VWF: variants seen among roughly 807,000 people sequenced by gnomAD.
VWF encodes Factor VIII related antigen.
Under a neutral mutation model 308.6 loss-of-function variants are expected in VWF, and 176 were observed. The observed-to-expected ratio is 0.57, with a 90% CI of 0.50 to 0.65. VWF has a LOEUF of 0.65. Among genes scored for constraint, VWF ranks in the 30% least tolerant of loss-of-function variants. The pLI is 0.00. For missense variants in VWF, 3,146 were observed against 3,648.2 expected (o/e 0.86, Z 3.55); for synonymous variants, 1,385 against 1,443.4 (o/e 0.96, Z 0.92).
At position 5,994,017 on chromosome 12, in the gene VWF, GCAAA is replaced by G; in HGVS notation, c.6439_6442del (p.Phe2147LeufsTer29). On this transcript the variant is annotated frameshift_variant, in exon 37 of 52. Coordinates refer to ENST00000261405, the MANE Select transcript of VWF (RefSeq NM_000552.5). LOFTEE classifies it high-confidence loss of function. ...TGGAGCCAGGACCTTGTGGCATTCA[GCAAA>G]CAGTGGTAAGAGGAGGACCTGGCAG... 1 of 1,614,206 alleles carries G rather than the reference GCAAA, an allele frequency of 6.2e-7. No homozygotes were observed. Among genetic ancestry groups the G allele is most frequent in the Non-Finnish European group, 8.5e-7 (1 of 1,180,046 alleles).
chr12:5,951,472 A>G (rs2136338391), intron 50 of VWF, among the ~76,000 whole-genome samples: 1 of 152,346 alleles, frequency 6.6e-6, no homozygotes, highest in East Asian at 1.9e-4. Flanking sequence ...CCTGTCTTCA[A>G]GAAGCTTTGG....
chr12:6,095,761 C>T, intron 5 of VWF, 177 bp from the exon 6 acceptor site: 1 of 797,948 alleles, frequency 1.3e-6, no homozygotes, highest in Non-Finnish European at 2.0e-6. Context: ...AGTGCAATCC[C>T]ACTACTGAGC....
intron 38 of VWF, among the ~76,000 whole-genome samples, chr12:5,990,274 A>G (rs1943723441): frequency 6.6e-6 from 1 of 152,256 alleles, no homozygotes; most frequent in South Asian, 2.1e-4. Flanking sequence ...AGGACACTAT[A>G]GGATGACTGA....
chr12:6,123,044 C>A, intron 2 of VWF, 98 bp downstream of exon 2: 9 of 1,484,430 alleles, frequency 6.1e-6, no homozygotes, highest in Non-Finnish European at 8.5e-6. Context: ...GGGCTGGGCA[C>A]ACAGGTGAGC....
At chr12:5,966,276 T>TACAC (rs10657127) in intron 47 of VWF, among the ~76,000 whole-genome samples, 5,277 of 151,114 alleles carry the variant, frequency 0.035, 311 homozygotes, top group African/African-American at 0.12. Context: ...TGTTACACAA[T>TACAC]ACACACACAC....
rs1053492142 is a variant in VWF at position 6,019,140 on chromosome 12, G to T, written c.4278C>A (p.Arg1426=). 1 of 1,613,788 alleles carries T rather than the reference G, an allele frequency of 6.2e-7. No individual in the cohort carries two copies. Among genetic ancestry groups the T allele is most frequent in the African/African-American group, 1.3e-5 (1 of 74,888 alleles). The change falls in exon 28 of 52, where the codon CGC becomes CGA. Residue 1426 remains arginine (R), a synonymous_variant. Coordinates refer to ENST00000261405, the MANE Select transcript of VWF (RefSeq NM_000552.5). The surrounding 1 kb of genome is among the most constrained non-coding windows in gnomAD (Gnocchi z 5.8). ...IGPHANLKQI[R]LIEKQAPENK... ...TCTCAGGGGCCTGCTTCTCGATGAG[G>T]CGGATCTGCTTGAGGTTGGCATGGG...
At position 5,979,524 on chromosome 12, in the gene VWF, G is replaced by C. The variant is rs1943570290; in HGVS notation, c.7287+2262C>G. Among the ~76,000 whole-genome samples the C allele has an allele frequency of 3.3e-5, 5 of 152,140 alleles. No individual in the cohort carries two copies. In the South Asian group the frequency reaches 1.0e-3, roughly 31 times the overall value. ...CCCAGCACTTTGGGAGGTCGAGGCG[G>C]GTGGATCACAAGGTCAAGAGATTGA... On this transcript the variant is annotated intron_variant, in intron 42 of 51. Transcript: ENST00000261405.
Position 5,952,470 on chromosome 12 carries a change from T to C in VWF, c.8036A>G (p.Asn2679Ser), listed in dbSNP as rs151129435. 1.7e-4 allele frequency: 272 copies of C among 1,614,118 alleles called. 1 individual carries two copies. The African/African-American group carries it at 1.7e-3, about 10-fold the overall frequency. Residue 2679 changes from asparagine (N) to serine (S), a missense_variant, in exon 49 of 52, where the codon AAT (asparagine) becomes AGT (serine). Around this residue, in one of 3 missense-constraint regions of VWF, gnomAD observed 989 missense variants for 1,117.4 expected, o/e 0.89. Coordinates refer to ENST00000261405, the MANE Select transcript of VWF (RefSeq NM_000552.5). Reference sequence around the variant, plus strand: ...CTCCCAGAAGTACTCTCCTCTCTCATTGACCTTGCAGAAGTGAGTATCACA... The same window carrying C: ...CTCCCAGAAGTACTCTCCTCTCTCACTGACCTTGCAGAAGTGAGTATCACA... ...DGCDTHFCKV[N>S]ERGEYFWEKR...
In VWF at chr12:6,057,091, G is replaced by C; in HGVS notation, c.1730-19C>G. 2.0e-6 allele frequency: 3 copies of C among 1,527,748 alleles called. No homozygotes were observed. The highest frequency in any genetic ancestry group is 2.6e-6 in the Non-Finnish European group (3 of 1,142,522). 94.6% of individuals were successfully genotyped at this position (1,527,748 alleles called of 1,614,324 possible). A position where few individuals can be genotyped will look rare whatever the true frequency, so the allele number is the denominator to read the frequency against. On this transcript the variant is annotated intron_variant, in intron 14 of 51. Coordinates refer to ENST00000261405, the MANE Select transcript of VWF (RefSeq NM_000552.5). ...AACCTGGCTGTGGGGCGAGAGGAGCGAGCCTGGGATGTGGTGGGGAGGAGT... is the reference window on the plus strand; with the variant it reads ...AACCTGGCTGTGGGGCGAGAGGAGCCAGCCTGGGATGTGGTGGGGAGGAGT...
In VWF at chr12:6,075,340, G is replaced by A. The variant is rs375397606; in HGVS notation, c.869C>T (p.Ala290Val). 18 of 1,613,826 alleles carry A rather than the reference G, an allele frequency of 1.1e-5. No individual in the cohort carries two copies. The highest frequency in any genetic ancestry group is 1.1e-4 in the East Asian group (5 of 44,892). ...GGGGCAGGGGGCCGACTTACTGCAC[G>A]CGCTGTGGTCGGTCCAGCCGTACAG... ...MVLYGWTDHS[A>V]CSPVCPAGME... is the part of the protein sequence containing the mutation. Residue 290 changes from alanine to valine, a missense_variant, in exon 7 of 52, where the codon GCG becomes GTG. Physicochemically the swap from Ala to Val is moderately conservative, Grantham distance 64. This residue lies in a region of VWF where 1,304 missense variants were observed against 1,353.0 expected (regional missense o/e 0.96). Transcript: ENST00000261405. The surrounding 1 kb of genome is among the most constrained non-coding windows in gnomAD (Gnocchi z 4.7).
At position 6,123,124 on chromosome 12, in the gene VWF, A is replaced by G; in HGVS notation, c.55+18T>C. 2 of 1,614,102 alleles carry G rather than the reference A, an allele frequency of 1.2e-6. No homozygotes were observed. The highest frequency in any genetic ancestry group is 8.5e-7 in the Non-Finnish European group (1 of 1,180,002). On this transcript the variant is annotated intron_variant, in intron 2 of 51. Transcript: ENST00000261405. ...GCCCTGGGGCAGGAATGAGAAATGG[A>G]GGCCCTTTTGTACCTACCTGGCAAA...
At chr12:6,081,338 TG>T (rs201903095) in intron 6 of VWF, among the ~76,000 whole-genome samples, 220 of 148,748 alleles carry the variant, frequency 1.5e-3, no homozygotes, top group Non-Finnish European at 2.0e-3. Context: ...TGGTGTTTTT[TG>T]TTTTGTTTTG....
chr12:5,973,945 T>C (rs958821374), intron 43 of VWF, among the ~76,000 whole-genome samples: 2 of 152,084 alleles, frequency 1.3e-5, no homozygotes, highest in African/African-American at 2.4e-5. Context: ...GCTTAGAACA[T>C]TCCTGAGAAG....
At chr12:5,987,465 C>A (rs1372748652) in intron 38 of VWF, among the ~76,000 whole-genome samples, 5 of 152,236 alleles carry the variant, frequency 3.3e-5, no homozygotes, top group Non-Finnish European at 5.9e-5. Context: ...TGGCCCCAGA[C>A]ACCACAGGCC....
rs747649578 is a variant in VWF, at chr12:6,052,734, G to A, written c.1995C>T (p.Cys665=). 6.2e-7 allele frequency: 1 copy of A among 1,614,174 alleles called. No homozygotes were observed. Among genetic ancestry groups the A allele is most frequent in the East Asian group, 2.2e-5 (1 of 44,874 alleles). ...AAGAGAGAGAGCGGCAGGTCAGGTT[G>A]CAGGGGGTCCCGCACTGCAGGTACA... is the stretch of plus-strand genomic sequence containing the variant. ...GQVYLQCGTP[C]NLTCRSLSYP... Residue 665 remains cysteine, a synonymous_variant, in exon 16 of 52, where the codon TGC becomes TGT. Transcript: ENST00000261405.
chr12:6,112,507 C>T (rs868641630), intron 3 of VWF, among the ~76,000 whole-genome samples: 6 of 152,118 alleles, frequency 3.9e-5, no homozygotes, highest in South Asian at 2.1e-4. Flanking sequence ...AAAGAGCTGA[C>T]GTGTGGGGCA....
At chr12:6,081,685 C>A (rs1051955287) in intron 6 of VWF, among the ~76,000 whole-genome samples, 2 of 152,092 alleles carry the variant, frequency 1.3e-5, no homozygotes, top group African/African-American at 2.4e-5. Context: ...CTAGGACTCC[C>A]AAGATCCTTT....
intron 38 of VWF, among the ~76,000 whole-genome samples, chr12:5,986,591 A>T (rs216874): frequency 1.3e-5 from 2 of 151,922 alleles, no homozygotes; most frequent in Non-Finnish European, 2.9e-5. Flanking sequence ...TCAAATACCC[A>T]CAAGTAAGGC....
chr12:6,084,957 A>T (rs889378080), intron 6 of VWF, among the ~76,000 whole-genome samples: 1 of 152,124 alleles, frequency 6.6e-6, no homozygotes, highest in Non-Finnish European at 1.5e-5. Context: ...ACTCACAAGG[A>T]CCTGGTGAAA....
Sources: gnomAD v4.1 joint callset for allele counts (sites outside exome capture counted in the v4.1 genomes callset) on GRCh38, gnomAD v4.1.1 for gene constraint, gnomAD v4.1.1 regional missense constraint, Gnocchi (gnomAD v3.1) non-coding constraint, MANE v1.5 for transcripts, NCBI Gene and HGNC (gene_info 2026-07-23, HGNC 2026-07-21) for gene names.